FAM117B: variants seen among roughly 807,000 people sequenced by gnomAD.
FAM117B encodes protein FAM117B.
In FAM117B, 22 loss-of-function variants were observed where a neutral mutation model predicts 52.8. The observed-to-expected ratio is 0.42, with a 90% CI of 0.30 to 0.59. The LOEUF (loss-of-function observed/expected upper bound fraction) is 0.59, where lower values mean the gene tolerates loss of function less well. FAM117B is among the 20% of genes least tolerant of loss of function. The probability of loss-of-function intolerance (pLI) is 0.22; values close to 1 mark genes in which losing one functional copy is unlikely to be tolerated. For missense variants in FAM117B, 678 were observed against 802.6 expected (o/e 0.84, Z 1.88); for synonymous variants, 309 against 324.1 (o/e 0.95, Z 0.50).
intron 1 of FAM117B, among the ~76,000 whole-genome samples, chr2:202,673,800 C>T (rs1289784980): frequency 6.6e-6 from 1 of 152,104 alleles, no homozygotes; most frequent in Non-Finnish European, 1.5e-5. Context: ...CATAAAGAGC[C>T]TTCTTGAAAA....
At chr2:202,750,728 T>C (rs58447931) in intron 4 of FAM117B, among the ~76,000 whole-genome samples, 27 of 152,290 alleles carry the variant, frequency 1.8e-4, no homozygotes, top group African/African-American at 6.3e-4. Flanking sequence ...CTCAGGTTAA[T>C]TGTAGAAAAA....
intron 1 of FAM117B, 79 bp downstream of exon 1, chr2:202,635,867 A>G (rs1011321370): frequency 3.1e-6 from 4 of 1,275,332 alleles, no homozygotes; most frequent in African/African-American, 1.6e-5. Flanking sequence ...TCGCGCGGGG[A>G]CTGCAGAGCT....
chr2:202,644,628 A>G (rs1239916689), intron 1 of FAM117B, among the ~76,000 whole-genome samples: 2 of 152,222 alleles, frequency 1.3e-5, no homozygotes. Flanking sequence ...GAGAGAGGAT[A>G]CATGGGAGGT....
intron 2 of FAM117B, among the ~76,000 whole-genome samples, chr2:202,714,533 CTTTTTTTTTTT>C (rs1034689626): frequency 5.1e-5 from 6 of 117,658 alleles, no homozygotes; most frequent in African/African-American, 1.4e-4. Flanking sequence ...TTTTTTTTTT[CTTTTTTTTTTT>C]TTTTTTATTG....
intron 1 of FAM117B, among the ~76,000 whole-genome samples, chr2:202,645,464 T>C (rs1689846842): frequency 6.6e-6 from 1 of 150,612 alleles, no homozygotes; most frequent in African/African-American, 2.4e-5. Context: ...TAATTTTTTG[T>C]ATTTTTAGTA....
chr2:202,726,411 T>C (rs1290637514), intron 4 of FAM117B, 48 bp downstream of exon 4: 2 of 1,396,736 alleles, frequency 1.4e-6, no homozygotes, highest in East Asian at 4.6e-5. Flanking sequence ...TTGTTGTTTT[T>C]CTGGTGATTT....
chr2:202,660,611 T>G (rs1690114601), intron 1 of FAM117B, among the ~76,000 whole-genome samples: 1 of 152,218 alleles, frequency 6.6e-6, no homozygotes, highest in South Asian at 2.1e-4. Context: ...TTCAGCTCCC[T>G]GTTCTCCATG....
intron 1 of FAM117B, among the ~76,000 whole-genome samples, chr2:202,658,131 A>T (rs1456024890): frequency 6.6e-6 from 1 of 152,094 alleles, no homozygotes; most frequent in Non-Finnish European, 1.5e-5. Context: ...ATTTAAGGGG[A>T]GAAAAATGTT....
chr2:202,752,731 T>C (rs1691745140), intron 4 of FAM117B, among the ~76,000 whole-genome samples: 2 of 152,230 alleles, frequency 1.3e-5, no homozygotes, highest in African/African-American at 4.8e-5. Context: ...GTTACTAGCT[T>C]TGGCGGATAC....
intron 1 of FAM117B, among the ~76,000 whole-genome samples, chr2:202,656,231 G>A (rs1365357437): frequency 1.3e-5 from 2 of 151,808 alleles, no homozygotes; most frequent in Non-Finnish European, 2.9e-5. Context: ...CTCTGCTCTC[G>A]TCTTTATTTT....
rs1031426808 is a variant in FAM117B, at chr2:202,635,846, G to C, written c.601+58G>C. On this transcript the variant is annotated intron_variant, in intron 1 of 7. Coordinates refer to ENST00000392238, the MANE Select transcript of FAM117B (RefSeq NM_173511.4). ...GCGGCTGCGGGAAGGGGTCCCGGGC[G>C]CGCGCTGCAATCGCGCGGGGACTGC... The C allele has an allele frequency of 8.2e-6, 11 of 1,348,650 alleles. No individual in the cohort carries two copies. The East Asian group carries it at 3.5e-4, about 43-fold the overall frequency. The allele number at this position is 1,348,650 out of a possible 1,614,324, so 83.5% of individuals were successfully genotyped here. A position where few individuals can be genotyped will look rare whatever the true frequency, so the allele number is the denominator to read the frequency against.
chr2:202,651,588 G>A (rs531050564), intron 1 of FAM117B, among the ~76,000 whole-genome samples: 174 of 151,852 alleles, frequency 1.1e-3, no homozygotes, highest in South Asian at 4.4e-3. Flanking sequence ...TGGCCAGGCT[G>A]GTCTCAAACT....
At position 202,756,391 on chromosome 2, in the gene FAM117B, A is replaced by G. The variant is rs142973791; in HGVS notation, c.1104+710A>G. On this transcript the variant is annotated intron_variant, in intron 5 of 7. Transcript: ENST00000392238. ...ATCGAAAAAAAAAAAAATTCTGCCT[A>G]TTCTCTTTACTGACTAGAATACACA... 1.2e-4 allele frequency among the ~76,000 whole-genome samples: 18 copies of G among 152,218 alleles called. No individual in the cohort carries two copies. In the East Asian group the frequency reaches 2.9e-3, roughly 24 times the overall value.
intron 4 of FAM117B, among the ~76,000 whole-genome samples, chr2:202,753,637 G>C (rs1377653722): frequency 6.6e-6 from 1 of 151,446 alleles, no homozygotes; most frequent in Non-Finnish European, 1.5e-5. Context: ...TTAATATCCA[G>C]AATTTACAAG....
At chr2:202,736,508 C>T (rs563097437) in intron 4 of FAM117B, among the ~76,000 whole-genome samples, 37 of 152,222 alleles carry the variant, frequency 2.4e-4, no homozygotes, top group African/African-American at 8.7e-4. Flanking sequence ...AGCCTATAAT[C>T]CCAGCACTTT....
chr2:202,715,740 G>C (rs1316690413), intron 2 of FAM117B, among the ~76,000 whole-genome samples: 1 of 152,250 alleles, frequency 6.6e-6, no homozygotes, highest in Non-Finnish European at 1.5e-5. Flanking sequence ...CGGCTGGGAG[G>C]TGGAGGTTGT....
At chr2:202,737,336 C>T (rs1206102595) in intron 4 of FAM117B, among the ~76,000 whole-genome samples, 2 of 151,832 alleles carry the variant, frequency 1.3e-5, no homozygotes, top group Non-Finnish European at 2.9e-5. Context: ...TTTGATTGTA[C>T]AATTTATTAA....
At chr2:202,666,405 C>G (rs1373582778) in intron 1 of FAM117B, among the ~76,000 whole-genome samples, 1 of 151,630 alleles carries the variant, frequency 6.6e-6, no homozygotes, top group Non-Finnish European at 1.5e-5. Context: ...TTCACAAACG[C>G]ACACACATAT....
chr2:202,681,849 G>GCATA (rs1410419738), intron 1 of FAM117B, among the ~76,000 whole-genome samples: 5 of 152,206 alleles, frequency 3.3e-5, no homozygotes, highest in Non-Finnish European at 5.9e-5. Context: ...GGTACTATAT[G>GCATA]GCCCAGTGTG....
Sources: gnomAD v4.1 joint callset for allele counts (sites outside exome capture counted in the v4.1 genomes callset) on GRCh38, gnomAD v4.1.1 for gene constraint, MANE v1.5 for transcripts, NCBI Gene and HGNC (gene_info 2026-07-23, HGNC 2026-07-21) for gene names.